Variants in NELL1 observed in about 807,000 individuals in gnomAD.
The protein encoded by NELL1 is protein kinase C-binding protein NELL1.
In NELL1, 76 loss-of-function variants were observed where a neutral mutation model predicts 107.4. The observed-to-expected ratio is 0.71, with a 90% CI of 0.59 to 0.86. The LOEUF is 0.86. Ranked by LOEUF, NELL1 falls within the 40% of genes least tolerant of loss-of-function variation. NELL1 has a pLI of 0.00. For synonymous variants in NELL1, 353 were observed against 341.2 expected, an observed-to-expected ratio of 1.03 and a Z score of -0.38; for missense variants, 1,024 against 1,005.5, an observed-to-expected ratio of 1.02 and a Z score of -0.25.
At chr11:21,235,384 A>C (rs907236350) in intron 14 of NELL1, among the ~76,000 whole-genome samples, 1 of 152,182 alleles carries the variant, frequency 6.6e-6, no homozygotes, top group Non-Finnish European at 1.5e-5. Context: ...TTGATTTATA[A>C]AGTCAGAAAA....
intron 12 of NELL1, among the ~76,000 whole-genome samples, chr11:21,094,723 A>G (rs1313627102): frequency 6.6e-6 from 1 of 152,266 alleles, no homozygotes; most frequent in African/African-American, 2.4e-5. Context: ...GGCTTCTTTC[A>G]TCGGTGGCTG....
intron 14 of NELL1, among the ~76,000 whole-genome samples, chr11:21,349,131 C>T (rs969604050): frequency 6.6e-6 from 1 of 151,876 alleles, no homozygotes; most frequent in Non-Finnish European, 1.5e-5. Context: ...ATTAGAGCTA[C>T]AACTCTTGGG....
chr11:21,026,037 T>C (rs536888623), intron 12 of NELL1, among the ~76,000 whole-genome samples: 1 of 152,338 alleles, frequency 6.6e-6, no homozygotes, highest in East Asian at 1.9e-4. Context: ...GCATTTTTAT[T>C]GTCATCATCT....
intron 11 of NELL1, among the ~76,000 whole-genome samples, chr11:20,957,205 G>C (rs1851192888): frequency 6.6e-6 from 1 of 152,120 alleles, no homozygotes; most frequent in African/African-American, 2.4e-5. Flanking sequence ...TCCCTCCATG[G>C]GTGAACTAGG....
At chr11:21,321,948 A>T (rs1034275470) in intron 14 of NELL1, among the ~76,000 whole-genome samples, 17 of 152,216 alleles carry the variant, frequency 1.1e-4, no homozygotes, top group African/African-American at 3.9e-4. Flanking sequence ...TATTGTTTCT[A>T]AACACCAACT....
rs142880757 is a variant in NELL1 at position 20,886,028 on chromosome 11, C to G, written c.603+488C>G. Among the ~76,000 whole-genome samples, 76 of 152,288 alleles carry G rather than the reference C, an allele frequency of 5.0e-4. 1 individual carries two copies. The East Asian group carries it at 0.01, about 20-fold the overall frequency. ...AACAGAAAACCAAATACTGCATATT[C>G]TCACTTATAAGTGGGAGCTAAACAC... On this transcript the variant is annotated intron_variant, in intron 5 of 19. Coordinates refer to ENST00000357134, the MANE Select transcript of NELL1 (RefSeq NM_006157.5).
chr11:21,094,351 G>A (rs954129862), intron 12 of NELL1, among the ~76,000 whole-genome samples: 17 of 152,188 alleles, frequency 1.1e-4, no homozygotes, highest in Admixed American at 2.0e-4. Context: ...GCTTTCACAG[G>A]CTGGCATTGA....
chr11:21,205,201 GATGCGCCCACAGCC>G (rs1391174724), intron 13 of NELL1, among the ~76,000 whole-genome samples: 1 of 152,176 alleles, frequency 6.6e-6, no homozygotes, highest in Non-Finnish European at 1.5e-5. Context: ...GTCTGTTGAA[GATGCGCCCACAGCC>G]ACCCCTTCTC....
chr11:21,426,576 T>C (rs1852827570), intron 15 of NELL1, among the ~76,000 whole-genome samples: 1 of 152,204 alleles, frequency 6.6e-6, no homozygotes, highest in South Asian at 2.1e-4. Flanking sequence ...AAAGCTTCAA[T>C]GTATATTATG....
intron 12 of NELL1, among the ~76,000 whole-genome samples, chr11:21,002,235 G>T (rs574707170): frequency 8.7e-6 from 1 of 114,544 alleles, no homozygotes; most frequent in Admixed American, 7.9e-5. Context: ...TCTACATATC[G>T]AAGCCATAAA....
chr11:20,692,512 C>A (rs1049153837), intron 2 of NELL1, among the ~76,000 whole-genome samples: 1 of 151,212 alleles, frequency 6.6e-6, no homozygotes, highest in African/African-American at 2.4e-5. Context: ...TTTCAAAGAA[C>A]ATCTTTATTT....
At chr11:21,120,933 C>G (rs1855353025) in intron 13 of NELL1, among the ~76,000 whole-genome samples, 1 of 152,094 alleles carries the variant, frequency 6.6e-6, no homozygotes, top group East Asian at 1.9e-4. Context: ...CTTCCCTACG[C>G]CCTCAGAGGA....
intron 2 of NELL1, among the ~76,000 whole-genome samples, chr11:20,755,559 TTTG>T (rs1339481556): frequency 3.6e-3 from 63 of 17,672 alleles, no homozygotes; most frequent in South Asian, 0.029. Context: ...TGTTTTTGTT[TTTG>T]TTTTTTTTTT....
intron 14 of NELL1, among the ~76,000 whole-genome samples, chr11:21,348,101 TGTCTTCC>T (rs145100346): frequency 6.6e-6 from 1 of 151,906 alleles, no homozygotes; most frequent in Non-Finnish European, 1.5e-5. Flanking sequence ...TGGGTTGCAA[TGTCTTCC>T]AGAATAATTT....
At chr11:21,417,036 G>A (rs966385493) in intron 15 of NELL1, among the ~76,000 whole-genome samples, 8 of 152,014 alleles carry the variant, frequency 5.3e-5, no homozygotes, top group African/African-American at 1.9e-4. Flanking sequence ...TGTCAGTGGG[G>A]ACACAAACCA....
rs370983495 is a variant in NELL1 at position 20,669,709 on chromosome 11, G to C, written c.-15G>C. On this transcript the variant is annotated 5_prime_UTR_variant, in exon 1 of 20. Coordinates refer to ENST00000357134, the MANE Select transcript of NELL1 (RefSeq NM_006157.5). This position sits in a 1 kb window ranked among gnomAD's most constrained non-coding sequence, Gnocchi z 4.4. ...AGCTTCGGTGCCCCCTGCTAGGCGG[G>C]GACCCTCGAGAGCGATGCCGATGGA... The C allele has an allele frequency of 9.5e-5, 153 of 1,612,404 alleles. No homozygotes were observed. The highest frequency in any genetic ancestry group is 1.2e-4 in the Non-Finnish European group (145 of 1,178,850).
At chr11:21,546,065 T>C (rs977399905) in intron 16 of NELL1, among the ~76,000 whole-genome samples, 1 of 152,004 alleles carries the variant, frequency 6.6e-6, no homozygotes, top group African/African-American at 2.4e-5. Flanking sequence ...TGTGCCTACA[T>C]CTTCTGGAGG....
At chr11:21,038,124 T>C (rs1038269703) in intron 12 of NELL1, among the ~76,000 whole-genome samples, 7 of 152,208 alleles carry the variant, frequency 4.6e-5, no homozygotes, top group Non-Finnish European at 8.8e-5. Flanking sequence ...ACCTGGCTTA[T>C]AAGCGAACTG....
chr11:20,762,775 C>A (rs1856450212), intron 2 of NELL1, among the ~76,000 whole-genome samples: 1 of 147,724 alleles, frequency 6.8e-6, no homozygotes, highest in Admixed American at 6.8e-5. Flanking sequence ...TATTGCTTTC[C>A]TGTTTTTTAC....
Sources: allele counts gnomAD v4.1 joint callset (sites outside exome capture counted in the v4.1 genomes callset), GRCh38; gene constraint gnomAD v4.1.1; non-coding constraint Gnocchi (gnomAD v3.1); transcripts MANE v1.5; gene names NCBI Gene and HGNC (gene_info 2026-07-23, HGNC 2026-07-21).